Variants in SCN11A observed in about 807,000 individuals in gnomAD.
The protein encoded by SCN11A is sodium channel protein type 11 subunit alpha.
SCN11A carries 122 observed loss-of-function variants against 162.2 expected under a neutral mutation model. The observed-to-expected ratio is 0.75, with a 90% confidence interval of 0.65 to 0.87. The LOEUF is 0.87. SCN11A is among the 40% of genes least tolerant of loss of function. The pLI, the probability that SCN11A is intolerant of heterozygous loss-of-function variation, is 0.00. For missense variants in SCN11A, 2,015 were observed against 2,181.6 expected, an observed-to-expected ratio of 0.92 and a Z score of 1.52; for synonymous variants, 758 against 751.5, an observed-to-expected ratio of 1.01 and a Z score of -0.14.
At position 38,921,261 on chromosome 3, in the gene SCN11A, A is replaced by G. The variant is rs1185023859; in HGVS notation, c.713-6T>C. ...CCCCACGATGACCTTCAGACCTGAG[A>G]AAGAGGACAGGCTTGGGGAGAAGCC... On this transcript the variant is annotated splice_polypyrimidine_tract_variant and splice_region_variant and intron_variant, in intron 9 of 29. Transcript: ENST00000302328. 1.2e-6 allele frequency: 2 copies of G among 1,613,352 alleles called. No homozygotes were observed. The highest frequency in any genetic ancestry group is 3.3e-5 in the Admixed American group (2 of 59,982).
intron 23 of SCN11A, among the ~76,000 whole-genome samples, chr3:38,879,113 A>T (rs1399738533): frequency 6.6e-6 from 1 of 152,166 alleles, no homozygotes; most frequent in African/African-American, 2.4e-5. Flanking sequence ...CTTTGGAGTG[A>T]GGCTTACGAG....
chr3:38,913,003 G>A (rs896109983), intron 11 of SCN11A, among the ~76,000 whole-genome samples: 9 of 152,124 alleles, frequency 5.9e-5, no homozygotes, highest in Admixed American at 3.3e-4. Flanking sequence ...CCAGTAATGC[G>A]ATTGCTGGGA....
chr3:39,036,397 G>A (rs143263632), intron 1 of SCN11A, among the ~76,000 whole-genome samples: 4,040 of 152,070 alleles, frequency 0.027, 65 homozygotes, highest in African/African-American at 0.044. Context: ...TACCCGCCTC[G>A]GCCTCCTAAA....
At chr3:39,006,096 T>C (rs1456517642) in intron 2 of SCN11A, among the ~76,000 whole-genome samples, 1 of 152,234 alleles carries the variant, frequency 6.6e-6, no homozygotes, top group Admixed American at 6.5e-5. Flanking sequence ...TCAATGTTTT[T>C]GATAAGAAGG....
chr3:38,934,801 C>A (rs570926329), intron 7 of SCN11A, among the ~76,000 whole-genome samples: 229 of 152,212 alleles, frequency 1.5e-3, no homozygotes, highest in Non-Finnish European at 1.5e-3. Context: ...ACCCCACTGT[C>A]AACCTTAGAC....
intron 27 of SCN11A, among the ~76,000 whole-genome samples, chr3:38,865,525 G>A (rs560001782): frequency 2.3e-4 from 35 of 152,128 alleles, no homozygotes; most frequent in African/African-American, 8.2e-4. Flanking sequence ...ATAAAAGAAA[G>A]CCATAAAACA....
intron 4 of SCN11A, chr3:38,950,658 C>T (rs2066598922): frequency 5.0e-6 from 2 of 398,418 alleles, no homozygotes; most frequent in East Asian, 4.9e-5. Flanking sequence ...CAGAAGAAGC[C>T]CAGTCTCTAA....
chr3:38,872,328 G>A (rs2065142342), intron 23 of SCN11A, 34 bp from the exon 24 acceptor site: 1 of 1,177,786 alleles, frequency 8.5e-7, no homozygotes, highest in African/African-American at 1.5e-5. Context: ...TAATGTACCT[G>A]ACTTGGTGTC....
intron 2 of SCN11A, among the ~76,000 whole-genome samples, chr3:38,980,215 C>A (rs1424046328): frequency 6.6e-6 from 1 of 151,742 alleles, no homozygotes; most frequent in East Asian, 1.9e-4. Flanking sequence ...ATGAAAATAT[C>A]TCTTTCTGCT....
At chr3:38,978,868 G>A (rs1176551141) in intron 2 of SCN11A, among the ~76,000 whole-genome samples, 2 of 152,060 alleles carry the variant, frequency 1.3e-5, no homozygotes, top group Non-Finnish European at 2.9e-5. Context: ...CTTAGTGCTT[G>A]CCATGTCACT....
chr3:38,939,166 C>T (rs973421824), intron 7 of SCN11A, among the ~76,000 whole-genome samples: 2 of 151,890 alleles, frequency 1.3e-5, no homozygotes, highest in East Asian at 1.9e-4. Context: ...AAGCGAGATT[C>T]TGTCTCAAAA....
rs117403084 is a variant in SCN11A at position 39,010,678 on chromosome 3, C to T, written c.-280+21702G>A. Among the ~76,000 whole-genome samples the T allele has an allele frequency of 9.0e-3, 1,375 of 152,180 alleles. 40 individuals carry two copies. The highest frequency in any genetic ancestry group is 0.061 in the Admixed American group (936 of 15,276). On this transcript the variant is annotated intron_variant, in intron 2 of 29. Transcript: ENST00000302328. ...CAGGCGTGAGCCACCACTCCCAGCC[C>T]GTGAGCCACCCTGCCCAGCCTAATA...
intron 19 of SCN11A, 72 bp from the exon 20 acceptor site, chr3:38,886,310 T>C (rs2065400104): frequency 5.1e-6 from 5 of 973,702 alleles, no homozygotes; most frequent in East Asian, 2.4e-5. Context: ...GAAGTTTGAA[T>C]GCTATTTGGT....
intron 28 of SCN11A, among the ~76,000 whole-genome samples, chr3:38,860,624 A>T (rs2064947781): frequency 6.6e-6 from 1 of 152,238 alleles, no homozygotes; most frequent in Non-Finnish European, 1.5e-5. Context: ...ACATAAACAG[A>T]ATTAAAAACA....
intron 2 of SCN11A, among the ~76,000 whole-genome samples, chr3:38,979,075 A>G (rs894007612): frequency 1.3e-5 from 2 of 152,156 alleles, no homozygotes; most frequent in Non-Finnish European, 2.9e-5. Flanking sequence ...ACAGTTTTGC[A>G]TTTGTTTGTG....
chr3:39,029,342 T>C (rs1439620374), intron 2 of SCN11A, among the ~76,000 whole-genome samples: 1 of 152,236 alleles, frequency 6.6e-6, no homozygotes, highest in Non-Finnish European at 1.5e-5. Flanking sequence ...GTTAAATATA[T>C]TTTTATGCAA....
chr3:38,846,468 C>A lies in SCN11A; in HGVS notation c.*226G>T. On this transcript the variant is annotated 3_prime_UTR_variant, in exon 30 of 30. Coordinates refer to ENST00000302328, the MANE Select transcript of SCN11A (RefSeq NM_001349253.2). ...CTTTTACAGTCCTTCCTGGTGTCTTCTTCCTTATTATAATAGTACCACTGG... is the reference window on the plus strand; with the variant it reads ...CTTTTACAGTCCTTCCTGGTGTCTTATTCCTTATTATAATAGTACCACTGG... The A allele has an allele frequency of 1.9e-6, 1 of 539,634 alleles. No individual in the cohort carries two copies. Among genetic ancestry groups the A allele is most frequent in the Non-Finnish European group, 3.3e-6 (1 of 303,072 alleles). The allele number at this position is 539,634 out of a possible 1,614,324, so 33.4% of individuals were successfully genotyped here. A position where few individuals can be genotyped will look rare whatever the true frequency, so the allele number is the denominator to read the frequency against.
chr3:39,029,393 C>T (rs2031686397), intron 2 of SCN11A, among the ~76,000 whole-genome samples: 1 of 152,140 alleles, frequency 6.6e-6, no homozygotes, highest in Admixed American at 6.5e-5. Context: ...GATGCCTGTA[C>T]ATATCTTTTG....
At chr3:38,991,794 TTTTA>T (rs1337849073) in intron 2 of SCN11A, among the ~76,000 whole-genome samples, 1 of 152,106 alleles carries the variant, frequency 6.6e-6, no homozygotes, top group Non-Finnish European at 1.5e-5. Context: ...GTGCTTTATT[TTTTA>T]TTTATTTATT....
Sources: gnomAD v4.1 joint callset for allele counts (sites outside exome capture counted in the v4.1 genomes callset) on GRCh38, gnomAD v4.1.1 for gene constraint, MANE v1.5 for transcripts, NCBI Gene and HGNC (gene_info 2026-07-23, HGNC 2026-07-21) for gene names.